Variants in HIRIP3 observed in about 807,000 individuals in gnomAD.
HIRIP3 encodes HIRA-interacting protein 3.
A neutral mutation model predicts 50.3 loss-of-function variants in HIRIP3; 40 were observed. That is an observed-to-expected ratio of 0.79 (90% CI 0.62 to 1.03). HIRIP3 has a LOEUF of 1.03. Ranked by LOEUF, HIRIP3 falls within the 50% of genes least tolerant of loss-of-function variation. The pLI is 0.00. For synonymous variants in HIRIP3, 318 were observed against 261.6 expected (o/e 1.22, Z -2.08); for missense variants, 765 against 705.4 (o/e 1.08, Z -0.96).
At chr16:29,993,583 TCTC>T in intron 5 of HIRIP3, 26 bp from the exon 6 acceptor site, 1 of 1,611,804 alleles carries the variant, frequency 6.2e-7, no homozygotes, top group Non-Finnish European at 8.5e-7. Context: ...CTGGTGATTC[TCTC>T]CTCCCCAGCA....
intron 1 of HIRIP3, 36 bp downstream of exon 1, chr16:29,995,505 C>T (rs1407158910): frequency 6.2e-7 from 1 of 1,613,662 alleles, no homozygotes; most frequent in East Asian, 2.2e-5. Flanking sequence ...GACCCACCCG[C>T]GCCCTTTCCA....
chr16:29,993,461 G>A lies in HIRIP3; in HGVS notation c.1505C>T (p.Ser502Leu), dbSNP rs754457784. The A allele has an allele frequency of 4.3e-6, 7 of 1,611,940 alleles. No individual in the cohort carries two copies. Among genetic ancestry groups the A allele is most frequent in the South Asian group, 1.1e-5 (1 of 90,946 alleles). ...SLDVANIISG[S>L]GRPRRRTAWN... is the part of the protein sequence containing the mutation. ...GGCAGTGAGAGGAAACCCCTTACCC[G>A]AGCCACTGATGATGTTCGCAACATC... The change falls in exon 6 of 7, where the codon TCG becomes TTG. Residue 502 changes from serine (S) to leucine (L), a missense_variant and splice_region_variant. By Grantham distance (145) the Ser-to-Leu change is moderately radical. Transcript: ENST00000279392.
chr16:29,993,797 A>G lies in HIRIP3; in HGVS notation c.1251T>C (p.Gly417=), dbSNP rs1596629965. The G allele has an allele frequency of 1.1e-5, 18 of 1,612,880 alleles. No individual in the cohort carries two copies. Among genetic ancestry groups the G allele is most frequent in the Non-Finnish European group, 1.4e-5 (17 of 1,179,972 alleles). Reference sequence around the variant, plus strand: ...CAGCCGGGTGGTCCTCTCCACGGCGACCTGAGCCAGCCTAGCAAGGAAAGA... The same window carrying G: ...CAGCCGGGTGGTCCTCTCCACGGCGGCCTGAGCCAGCCTAGCAAGGAAAGA... The part of the protein sequence containing the change: ...PEAKGGKAGS[G]RRGEDHPAVM... The change falls in exon 5 of 7, where the codon GGT becomes GGC. Residue 417 remains glycine (G), a synonymous_variant. Transcript: ENST00000279392.
At position 29,993,342 on chromosome 16, in the gene HIRIP3, G is replaced by C; in HGVS notation, c.1536C>G (p.Asn512Lys). The C allele has an allele frequency of 6.5e-7, 1 of 1,549,206 alleles. No individual in the cohort carries two copies. The highest frequency in any genetic ancestry group is 8.7e-7 in the Non-Finnish European group (1 of 1,144,442). The change falls in exon 7 of 7, where the codon AAC becomes AAG. Residue 512 changes from asparagine to lysine, a missense_variant. Physicochemically the swap from Asn to Lys is moderately conservative, Grantham distance 94. Coordinates refer to ENST00000279392, the MANE Select transcript of HIRIP3 (RefSeq NM_003609.5). ...CTGGGGGTGCTGCTTCTCCTAAAGG[G>C]TTCCAGGCTGTACGTCTGCGTGGCC... ...SGRPRRRTAW[N>K]PLGEAAPPGE...
In HIRIP3 at chr16:29,994,049, C is replaced by T; in HGVS notation, c.1096G>A (p.Glu366Lys). ...GSTSGEESDL[E>K]REVSDSEAGG... Reference sequence around the variant, plus strand: ...GCCTCGCTGTCACTTACCTCCCTCTCCAAGTCACTTTCCTCACCACTGGTG... The same window carrying T: ...GCCTCGCTGTCACTTACCTCCCTCTTCAAGTCACTTTCCTCACCACTGGTG... Residue 366 changes from glutamate to lysine, a missense_variant, in exon 4 of 7, where the codon GAG becomes AAG. Transcript: ENST00000279392. 1 of 1,612,288 alleles carries T rather than the reference C, an allele frequency of 6.2e-7. No individual in the cohort carries two copies. The highest frequency in any genetic ancestry group is 8.5e-7 in the Non-Finnish European group (1 of 1,178,934).
Position 29,993,114 on chromosome 16 carries a change from G to A in HIRIP3, c.*93C>T. ...GTCCTTGGGAGCTGCAGTCTTCTCT[G>A]AAGGAAGCTGCTTCTGTTCCACAGA... is the stretch of plus-strand genomic sequence containing the variant. On this transcript the variant is annotated 3_prime_UTR_variant, in exon 7 of 7. Coordinates refer to ENST00000279392, the MANE Select transcript of HIRIP3 (RefSeq NM_003609.5). The A allele has an allele frequency of 8.1e-7, 1 of 1,239,718 alleles. No homozygotes were observed. Among genetic ancestry groups the A allele is most frequent in the African/African-American group, 1.5e-5 (1 of 65,612 alleles). 76.8% of individuals were successfully genotyped at this position (1,239,718 alleles called of 1,614,324 possible).
upstream of HIRIP3, chr16:29,995,921 G>A: frequency 3.5e-6 from 2 of 570,700 alleles, no homozygotes; most frequent in Non-Finnish European, 6.3e-6. Context: ...ACTGGTCACG[G>A]GCAACAGCTA....
Position 29,995,617 on chromosome 16 carries a change from C to T in HIRIP3, c.-12G>A, listed in dbSNP as rs372142050. The T allele has an allele frequency of 8.9e-5, 144 of 1,611,786 alleles. No homozygotes were observed. The highest frequency in any genetic ancestry group is 9.3e-5 in the Non-Finnish European group (110 of 1,179,906). ...TTCTCCCGCGCCATTTTGCTCAACCCGGGATTGACGGCTCCCGCCTTTTTT... is the reference window on the plus strand; with the variant it reads ...TTCTCCCGCGCCATTTTGCTCAACCTGGGATTGACGGCTCCCGCCTTTTTT... On this transcript the variant is annotated 5_prime_UTR_variant, in exon 1 of 7. Transcript: ENST00000279392.
chr16:29,995,494 C>T (rs1223287129), intron 1 of HIRIP3, 31 bp from the exon 2 acceptor site: 1 of 1,613,516 alleles, frequency 6.2e-7, no homozygotes, highest in African/African-American at 1.3e-5. Context: ...GACGGAGTCC[C>T]GACCCACCCG....
Position 29,995,576 on chromosome 16 carries a change from G to A in HIRIP3, c.30C>T (p.Phe10=). Residue 10 remains phenylalanine, a synonymous_variant, in exon 1 of 7, where the codon TTC becomes TTT. Transcript: ENST00000279392. ...GGCGGCCTCGGAAGAAGCTACGGGT[G>A]AACTCCTGCATCTCCTTCTCCCGCG... MAREKEMQE[F]TRSFFRGRPD... 1 of 1,612,582 alleles carries A rather than the reference G, an allele frequency of 6.2e-7. No homozygotes were observed. The highest frequency in any genetic ancestry group is 8.5e-7 in the Non-Finnish European group (1 of 1,180,022).
rs903809428 is a variant in HIRIP3 at position 29,995,125 on chromosome 16, C to T, written c.279G>A (p.Arg93=). 4 of 1,614,228 alleles carry T rather than the reference C, an allele frequency of 2.5e-6. No homozygotes were observed. In the East Asian group the frequency reaches 8.9e-5, roughly 36 times the overall value. Residue 93 remains arginine, a synonymous_variant, in exon 3 of 7, where the codon AGG becomes AGA. Transcript: ENST00000279392. Reference sequence around the variant, plus strand: ...AACCCGACTCTGAATTGAAGCGGAACCTTTTTCTCTCCGGGTCGCTACAAG... The same window carrying T: ...AACCCGACTCTGAATTGAAGCGGAATCTTTTTCTCTCCGGGTCGCTACAAG... ...PTPCSDPERK[R]FRFNSESESG...
rs2069999046 is a variant in HIRIP3 at position 29,992,656 on chromosome 16, G to A, written c.*551C>T. The A allele has an allele frequency of 6.6e-6, 1 of 152,346 alleles. No homozygotes were observed. The allele number at this position is 152,346 out of a possible 1,614,324, so 9.4% of individuals were successfully genotyped here. ...TATGGGCTTTTCCCCACCCCTTTGA[G>A]GCTAACAGCCCATGGACAAAGTGGC... On this transcript the variant is annotated 3_prime_UTR_variant, in exon 7 of 7. Coordinates refer to ENST00000279392, the MANE Select transcript of HIRIP3 (RefSeq NM_003609.5).
Position 29,994,548 on chromosome 16 carries a change from G to T in HIRIP3, c.597C>A (p.Ser199Arg), listed in dbSNP as rs201336607. The change falls in exon 4 of 7, where the codon AGC becomes AGA. Residue 199 changes from serine (S) to arginine (R), a missense_variant. Coordinates refer to ENST00000279392, the MANE Select transcript of HIRIP3 (RefSeq NM_003609.5). ...RKQAREESEE[S>R]EAEPVQRTAK... Reference sequence around the variant, plus strand: ...CTGTCCTCTGAACGGGTTCTGCCTCGCTCTCCTCACTTTCTTCCCTGGCCT... The same window carrying T: ...CTGTCCTCTGAACGGGTTCTGCCTCTCTCTCCTCACTTTCTTCCCTGGCCT... 3 of 1,613,834 alleles carry T rather than the reference G, an allele frequency of 1.9e-6. No individual in the cohort carries two copies. Among genetic ancestry groups the T allele is most frequent in the Non-Finnish European group, 2.5e-6 (3 of 1,179,978 alleles).
Position 29,993,529 on chromosome 16 carries a change from G to C in HIRIP3, c.1437C>G (p.Ala479=). Residue 479 remains alanine (A), a synonymous_variant, in exon 6 of 7, where the codon GCC becomes GCG. Transcript: ENST00000279392. ...CTGCCTCCTCCCTCTGCTCCTTCAG[G>C]GCCCGACACTTCCCTAGGGAAGGGG... is the stretch of plus-strand genomic sequence containing the variant. ...KGTPSLGKCR[A]LKEQREEAAE... is the part of the protein sequence containing the mutation. 1 of 1,613,770 alleles carries C rather than the reference G, an allele frequency of 6.2e-7. No individual in the cohort carries two copies. The highest frequency in any genetic ancestry group is 8.5e-7 in the Non-Finnish European group (1 of 1,179,822).
At position 29,995,280 on chromosome 16, in the gene HIRIP3, CCCT is replaced by C. The variant is rs540649865; in HGVS notation, c.186+60_186+62del. ...CTGCGCTCACCGCGCCCCGTCAGGC[CCCT>C]CCTCCTCAGCAGCAAGCCCCGCCTC... On this transcript the variant is annotated intron_variant, in intron 2 of 6. Transcript: ENST00000279392. The C allele has an allele frequency of 6.2e-3, 10,041 of 1,611,694 alleles. 52 individuals are homozygous for C. The highest frequency in any genetic ancestry group is 0.021 in the Middle Eastern group (125 of 6,054).
At chr16:29,995,629 C>T (rs754031936), upstream of HIRIP3, 122 of 1,611,118 alleles carry the variant, frequency 7.6e-5, no homozygotes, top group Non-Finnish European at 3.4e-6. Context: ...GGATTGACGG[C>T]TCCCGCCTTT....
chr16:29,994,270 T>G lies in HIRIP3; in HGVS notation c.875A>C (p.Glu292Ala). Residue 292 changes from glutamate to alanine, a missense_variant, in exon 4 of 7, where the codon GAG becomes GCG. By Grantham distance (107) the Glu-to-Ala change is moderately radical. Transcript: ENST00000279392. ...GCTGGCTGCCTCTTTCTGCTCTTCC[T>G]CGCTGTCTGAGTCTCCCAAGAGCCT... ...AKRLLGDSDS[E>A]EEQKEAASSG... The G allele has an allele frequency of 6.2e-7, 1 of 1,614,196 alleles. No individual in the cohort carries two copies. Among genetic ancestry groups the G allele is most frequent in the Non-Finnish European group, 8.5e-7 (1 of 1,180,024 alleles).
chr16:29,993,475 G>A lies in HIRIP3; in HGVS notation c.1491C>T (p.Asn497=), dbSNP rs77645102. ...AAEVASLDVA[N]IISGSGRPRR... ...ACCCCTTACCCGAGCCACTGATGAT[G>A]TTCGCAACATCCAAGGAGGCCACCT... is the stretch of plus-strand genomic sequence containing the variant. The change falls in exon 6 of 7, where the codon AAC becomes AAT. Residue 497 remains asparagine (N), a synonymous_variant. Coordinates refer to ENST00000279392, the MANE Select transcript of HIRIP3 (RefSeq NM_003609.5). The A allele has an allele frequency of 2.2e-3, 3,476 of 1,613,404 alleles. 65 individuals carry two copies. The East Asian group carries it at 0.048, about 22-fold the overall frequency.
Position 29,995,552 on chromosome 16 carries a change from G to A in HIRIP3, c.54C>T (p.Arg18=), listed in dbSNP as rs898724670. ...AACCCCCTGGGCACCTGAGGTCCGG[G>A]CGGCCTCGGAAGAAGCTACGGGTGA... ...QEFTRSFFRG[R]PDLSTLTHSI... is the part of the protein sequence containing the mutation. The change falls in exon 1 of 7, where the codon CGC becomes CGT. Residue 18 remains arginine, a synonymous_variant. Transcript: ENST00000279392. The A allele has an allele frequency of 6.2e-6, 10 of 1,612,942 alleles. No individual in the cohort carries two copies. The Admixed American group carries it at 1.2e-4, about 19-fold the overall frequency.
Sources: gnomAD v4.1 joint callset for allele counts on GRCh38, gnomAD v4.1.1 for gene constraint, MANE v1.5 for transcripts, NCBI Gene and HGNC (gene_info 2026-07-23, HGNC 2026-07-21) for gene names.